The following THSD7B variants were observed in gnomAD, a reference collection of about 807,000 sequenced individuals.
THSD7B encodes the protein thrombospondin type-1 domain-containing protein 7B.
In THSD7B, 138 loss-of-function variants were observed where a neutral mutation model predicts 213.6. The observed-to-expected ratio is 0.65, with a 90% CI of 0.56 to 0.74. The LOEUF (loss-of-function observed/expected upper bound fraction) is 0.74, where lower values mean the gene tolerates loss of function less well. THSD7B is among the 30% of genes least tolerant of loss of function. The pLI is 0.00. For missense variants in THSD7B, 1,931 were observed against 1,991.5 expected (o/e 0.97, Z 0.58); for synonymous variants, 742 against 687.0 (o/e 1.08, Z -1.25).
At chr2:137,216,651 G>A (rs1450446892) in intron 7 of THSD7B, among the ~76,000 whole-genome samples, 1 of 152,138 alleles carries the variant, frequency 6.6e-6, no homozygotes, top group Non-Finnish European at 1.5e-5. Flanking sequence ...GCAAAGATCC[G>A]TAAGTCAGCT....
intron 2 of THSD7B, among the ~76,000 whole-genome samples, chr2:136,974,617 G>A (rs1273650702): frequency 6.6e-6 from 1 of 152,144 alleles, no homozygotes; most frequent in Non-Finnish European, 1.5e-5. Flanking sequence ...CATATGGGGT[G>A]ATTCCATGTC....
intron 5 of THSD7B, among the ~76,000 whole-genome samples, chr2:137,135,973 T>TA (rs34259594): frequency 6.6e-6 from 1 of 151,802 alleles, no homozygotes; most frequent in Admixed American, 6.6e-5. Context: ...TATGCAGCCA[T>TA]AAAAAAGGAT....
intron 10 of THSD7B, among the ~76,000 whole-genome samples, chr2:137,252,522 G>T (rs1430728163): frequency 6.6e-6 from 1 of 152,084 alleles, no homozygotes; most frequent in Admixed American, 6.6e-5. Flanking sequence ...GGCTTGTCTG[G>T]AACTCCTTTT....
At chr2:137,566,941 T>TG (rs1681249817) in intron 16 of THSD7B, among the ~76,000 whole-genome samples, 1 of 152,088 alleles carries the variant, frequency 6.6e-6, no homozygotes, top group Non-Finnish European at 1.5e-5. Context: ...GAGACCTGAA[T>TG]AAGCATGAAG....
intron 7 of THSD7B, among the ~76,000 whole-genome samples, chr2:137,184,727 A>G (rs1039735486): frequency 6.6e-6 from 1 of 152,182 alleles, no homozygotes; most frequent in African/African-American, 2.4e-5. Context: ...TTAGACCAAT[A>G]TTTTGGGCAA....
intron 12 of THSD7B, among the ~76,000 whole-genome samples, chr2:137,378,736 C>T (rs1409839069): frequency 6.6e-6 from 1 of 152,116 alleles, no homozygotes; most frequent in Non-Finnish European, 1.5e-5. Context: ...CTGTGATTCC[C>T]ACCTCCCCCA....
intron 12 of THSD7B, among the ~76,000 whole-genome samples, chr2:137,277,390 A>G (rs1682899937): frequency 6.6e-6 from 1 of 152,086 alleles, no homozygotes; most frequent in Non-Finnish European, 1.5e-5. Flanking sequence ...TGACACCAAC[A>G]TTAGAGCATT....
intron 20 of THSD7B, among the ~76,000 whole-genome samples, chr2:137,629,584 T>A (rs1371431613): frequency 6.6e-6 from 1 of 152,188 alleles, no homozygotes; most frequent in African/African-American, 2.4e-5. Context: ...AAAATTCACC[T>A]TTCTCCAATC....
chr2:137,657,353 A>G (rs1387648139), intron 24 of THSD7B, among the ~76,000 whole-genome samples, 193 bp downstream of exon 24: 1 of 152,250 alleles, frequency 6.6e-6, no homozygotes, highest in Non-Finnish European at 1.5e-5. Flanking sequence ...CTATAAAAAT[A>G]TCAAACAACT....
chr2:137,413,985 C>G (rs1013727364), intron 14 of THSD7B, among the ~76,000 whole-genome samples: 1 of 152,090 alleles, frequency 6.6e-6, no homozygotes, highest in African/African-American at 2.4e-5. Context: ...AAGATTATTC[C>G]AAATGCAAGT....
intron 4 of THSD7B, among the ~76,000 whole-genome samples, chr2:137,113,784 G>C (rs7565378): frequency 0.78 from 118,945 of 152,006 alleles, 46,910 homozygotes; most frequent in Non-Finnish European, 0.82. Context: ...AGGACCTGAA[G>C]TCTGCACTCC....
intron 7 of THSD7B, among the ~76,000 whole-genome samples, chr2:137,177,527 G>A (rs905314229): frequency 1.3e-5 from 2 of 152,104 alleles, no homozygotes; most frequent in Non-Finnish European, 2.9e-5. Flanking sequence ...ATCACCTGGT[G>A]GGCTTGTAAA....
At chr2:137,454,481 T>C (rs560378249) in intron 15 of THSD7B, among the ~76,000 whole-genome samples, 3 of 152,162 alleles carry the variant, frequency 2.0e-5, no homozygotes, top group Admixed American at 1.3e-4. Context: ...TATCTATGTG[T>C]GTGTGTGTGT....
chr2:136,785,574 T>C (rs924001187), intron 1 of THSD7B, among the ~76,000 whole-genome samples: 2 of 152,190 alleles, frequency 1.3e-5, no homozygotes, highest in Admixed American at 6.5e-5. Context: ...CCATTAAACA[T>C]GTCTGCTCTG....
At chr2:136,983,271 G>T (rs1355675699) in intron 2 of THSD7B, among the ~76,000 whole-genome samples, 1 of 151,466 alleles carries the variant, frequency 6.6e-6, no homozygotes, top group Admixed American at 6.6e-5. Context: ...GCTTAGAATA[G>T]GCCAGAGGGA....
chr2:137,407,699 A>G (rs1686560243), intron 13 of THSD7B, among the ~76,000 whole-genome samples: 2 of 152,128 alleles, frequency 1.3e-5, no homozygotes, highest in Non-Finnish European at 2.9e-5. Context: ...ACTGAAACAT[A>G]TAAACATAAA....
At chr2:137,018,218 G>C (rs1686378622) in intron 2 of THSD7B, among the ~76,000 whole-genome samples, 1 of 151,902 alleles carries the variant, frequency 6.6e-6, no homozygotes, top group Admixed American at 6.6e-5. Context: ...ATGACTTCTA[G>C]ATAAAATTTT....
chr2:137,008,226 G>A (rs1198100409), intron 2 of THSD7B, among the ~76,000 whole-genome samples: 1 of 152,114 alleles, frequency 6.6e-6, no homozygotes, highest in Non-Finnish European at 1.5e-5. Context: ...GCAGTGCATT[G>A]TTAAATGGTA....
intron 2 of THSD7B, among the ~76,000 whole-genome samples, chr2:136,948,598 A>C (rs747347704): frequency 6.6e-6 from 1 of 152,210 alleles, no homozygotes; most frequent in Non-Finnish European, 1.5e-5. Flanking sequence ...TATTTGTATG[A>C]TATGTATAAG....
Sources: gnomAD v4.1 joint callset for allele counts (sites outside exome capture counted in the v4.1 genomes callset) on GRCh38, gnomAD v4.1.1 for gene constraint, MANE v1.5 for transcripts, NCBI Gene and HGNC (gene_info 2026-07-23, HGNC 2026-07-21) for gene names.